Variants in MYO10 observed in about 807,000 individuals in gnomAD.
MYO10 encodes myosin X.
Under a neutral mutation model 257.3 loss-of-function variants are expected in MYO10, and 133 were observed. The observed-to-expected ratio is 0.52, with a 90% confidence interval of 0.45 to 0.60. The LOEUF (loss-of-function observed/expected upper bound fraction) is 0.60, where lower values mean the gene tolerates loss of function less well. Ranked by LOEUF, MYO10 falls within the 20% of genes least tolerant of loss-of-function variation. The pLI is 0.00. For synonymous variants in MYO10, 1,104 were observed against 1,028.6 expected (o/e 1.07, Z -1.40); for missense variants, 2,399 against 2,635.7 (o/e 0.91, Z 1.97).
At chr5:16,682,255 C>A (rs982519320) in intron 30 of MYO10, among the ~76,000 whole-genome samples, 1 of 152,206 alleles carries the variant, frequency 6.6e-6, no homozygotes, top group Non-Finnish European at 1.5e-5. Context: ...GAAAACATTT[C>A]TTCATGCAAA....
chr5:16,848,345 A>C (rs1174815716), intron 2 of MYO10, among the ~76,000 whole-genome samples: 1 of 151,848 alleles, frequency 6.6e-6, no homozygotes, highest in Non-Finnish European at 1.5e-5. Flanking sequence ...TTTTTAGTAG[A>C]GACAGGGTTT....
intron 2 of MYO10, among the ~76,000 whole-genome samples, chr5:16,848,888 T>C (rs1743720191): frequency 6.6e-6 from 1 of 152,166 alleles, no homozygotes; most frequent in Non-Finnish European, 1.5e-5. Flanking sequence ...CATTTGTAAA[T>C]ATAAATACTA....
intron 19 of MYO10, among the ~76,000 whole-genome samples, chr5:16,728,831 A>G (rs758019538): frequency 2.0e-5 from 3 of 152,220 alleles, no homozygotes; most frequent in Non-Finnish European, 4.4e-5. Context: ...CTGCCTGTCC[A>G]TGGCAAGATG....
chr5:16,810,332 C>G (rs6888571), intron 3 of MYO10, among the ~76,000 whole-genome samples: 2,156 of 152,290 alleles, frequency 0.014, 55 homozygotes, highest in African/African-American at 0.049. Context: ...TCCCTCCCTA[C>G]AGTCCCCATG....
At position 16,676,036 on chromosome 5, in the gene MYO10, A is replaced by G. The variant is rs985311440; in HGVS notation, c.4661T>C (p.Leu1554Pro). 1 of 1,607,326 alleles carries G rather than the reference A, an allele frequency of 6.2e-7. No homozygotes were observed. The highest frequency in any genetic ancestry group is 1.3e-5 in the African/African-American group (1 of 74,418). ...GGGTGGAGCTCTGGACTTACAGTTG[A>G]GATTTATGTCCCCATACGGAAGGGG... is the stretch of plus-strand genomic sequence containing the variant. ...LLPLPYGDIN[L>P]NLLKDKGYTT... The change falls in exon 34 of 41, where the codon CTC (leucine) becomes CCC (proline). Residue 1554 changes from leucine to proline, a missense_variant. By Grantham distance (98) the Leu-to-Pro change is moderately conservative. This residue lies in a region of MYO10 where 1,820 missense variants were observed against 1,939.4 expected (regional missense o/e 0.94). Coordinates refer to ENST00000513610, the MANE Select transcript of MYO10 (RefSeq NM_012334.3).
intron 19 of MYO10, among the ~76,000 whole-genome samples, chr5:16,745,949 G>A (rs1046543202): frequency 3.0e-4 from 46 of 152,174 alleles, no homozygotes; most frequent in African/African-American, 1.1e-3. Context: ...GACCCCAAGA[G>A]AGGGTTCTTG....
At chr5:16,900,633 C>T (rs1427232778) in intron 1 of MYO10, among the ~76,000 whole-genome samples, 1 of 152,098 alleles carries the variant, frequency 6.6e-6, no homozygotes. Flanking sequence ...CTCACCACCT[C>T]CCAGGTCCAA....
chr5:16,678,856 G>A (rs774450076), intron 33 of MYO10, among the ~76,000 whole-genome samples: 14 of 152,122 alleles, frequency 9.2e-5, no homozygotes, highest in Non-Finnish European at 1.9e-4. Flanking sequence ...CCCTTGCCCT[G>A]GGAATCTGCC....
chr5:16,813,510 C>T (rs1309554939), intron 3 of MYO10, among the ~76,000 whole-genome samples: 2 of 150,794 alleles, frequency 1.3e-5, no homozygotes, highest in Admixed American at 1.3e-4. Context: ...GCGATCATGT[C>T]ACTGCATTCC....
chr5:16,740,658 A>T (rs558553815), intron 19 of MYO10, among the ~76,000 whole-genome samples: 5 of 152,118 alleles, frequency 3.3e-5, no homozygotes, highest in Admixed American at 2.0e-4. Context: ...GAGAGAGGGA[A>T]GCACTTCTGT....
At chr5:16,822,552 G>C (rs1351281073) in intron 2 of MYO10, among the ~76,000 whole-genome samples, 1 of 152,148 alleles carries the variant, frequency 6.6e-6, no homozygotes, top group Non-Finnish European at 1.5e-5. Flanking sequence ...CAGCCTGATG[G>C]ATTAATATTA....
At chr5:16,787,901 C>T (rs1233706799) in intron 4 of MYO10, among the ~76,000 whole-genome samples, 6 of 152,096 alleles carry the variant, frequency 3.9e-5, no homozygotes, top group Admixed American at 1.3e-4. Context: ...CAGGTTCAAG[C>T]GATTCTCCTG....
intron 19 of MYO10, among the ~76,000 whole-genome samples, chr5:16,716,608 T>C (rs960505593): frequency 2.0e-5 from 3 of 151,540 alleles, no homozygotes; most frequent in Non-Finnish European, 4.4e-5. Flanking sequence ...TTATTATCCA[T>C]GGACCATTAA....
intron 19 of MYO10, among the ~76,000 whole-genome samples, chr5:16,749,189 C>T (rs544851752): frequency 1.3e-5 from 2 of 152,264 alleles, no homozygotes; most frequent in East Asian, 1.9e-4. Flanking sequence ...GCATCTTTCC[C>T]TTCTTCCCTT....
At chr5:16,887,824 C>A (rs1358537169) in intron 1 of MYO10, among the ~76,000 whole-genome samples, 2 of 152,090 alleles carry the variant, frequency 1.3e-5, no homozygotes, top group Non-Finnish European at 2.9e-5. Flanking sequence ...ATTTCCCCCA[C>A]CTTCCTCACA....
At chr5:16,858,355 C>T (rs1035949681) in intron 2 of MYO10, among the ~76,000 whole-genome samples, 4 of 151,142 alleles carry the variant, frequency 2.6e-5, no homozygotes, top group African/African-American at 9.8e-5. Flanking sequence ...GTCACATAAG[C>T]TTTACACAGG....
rs1746430397 is a variant in MYO10 at position 16,935,947 on chromosome 5, C to T, written c.-139G>A. The T allele has an allele frequency of 2.0e-6, 2 of 1,021,080 alleles. No homozygotes were observed. Among genetic ancestry groups the T allele is most frequent in the South Asian group, 1.5e-5 (1 of 67,628 alleles). The allele number at this position is 1,021,080 out of a possible 1,614,324, so 63.3% of individuals were successfully genotyped here. ...CCGCGGGGCTCCCCTGCTGCCATCG[C>T]CCGGTCCCTTCTTGTCCTTCTCACC... On this transcript the variant is annotated 5_prime_UTR_variant, in exon 1 of 41. Transcript: ENST00000513610.
chr5:16,668,370 G>C lies in MYO10; in HGVS notation c.5982C>G (p.Phe1994Leu). The change falls in exon 40 of 41, where the codon TTC becomes TTG. Residue 1994 changes from phenylalanine to leucine, a missense_variant. By Grantham distance (22) the Phe-to-Leu change is conservative. Coordinates refer to ENST00000513610, the MANE Select transcript of MYO10 (RefSeq NM_012334.3). The part of the protein sequence containing the change: ...KRGEGRPLEV[F>L]QYEHILSFGA... ...CAAAAGAGAGGATGTGTTCATACTG[G>C]AAGACTTCCAGTGGTCTTCCCTCTC... 4 of 1,613,962 alleles carry C rather than the reference G, an allele frequency of 2.5e-6. No individual in the cohort carries two copies. The highest frequency in any genetic ancestry group is 3.4e-6 in the Non-Finnish European group (4 of 1,179,868).
chr5:16,729,488 G>A (rs1739497464), intron 19 of MYO10, among the ~76,000 whole-genome samples: 1 of 144,050 alleles, frequency 6.9e-6, no homozygotes, highest in Admixed American at 7.1e-5. Flanking sequence ...GTCTCACTGT[G>A]TCACCCAGGC....
Sources: gnomAD v4.1 joint callset for allele counts (sites outside exome capture counted in the v4.1 genomes callset) on GRCh38, gnomAD v4.1.1 for gene constraint, gnomAD v4.1.1 regional missense constraint, MANE v1.5 for transcripts, NCBI Gene and HGNC (gene_info 2026-07-23, HGNC 2026-07-21) for gene names.